STARD13: variants seen among roughly 807,000 people sequenced by gnomAD.
The protein encoded by STARD13 is stAR-related lipid transfer protein 13.
In STARD13, 62 loss-of-function variants were observed where a neutral mutation model predicts 106.4. The ratio of observed to expected loss-of-function variants is 0.58; its 90% CI spans 0.48 to 0.72. The LOEUF (loss-of-function observed/expected upper bound fraction) is 0.72. Among genes scored for constraint, STARD13 ranks in the 30% least tolerant of loss-of-function variants. The pLI, the probability that STARD13 is intolerant of heterozygous loss-of-function variation, is 0.00. For synonymous variants in STARD13, 565 were observed against 553.0 expected, an observed-to-expected ratio of 1.02 and a Z score of -0.31; for missense variants, 1,387 against 1,424.0, an observed-to-expected ratio of 0.97 and a Z score of 0.42.
chr13:33,500,558 T>C, the STARD13 span, among the ~76,000 whole-genome samples: 1 of 152,222 alleles, frequency 6.6e-6, no homozygotes. Flanking sequence ...AGATGTTCAA[T>C]GAAAAATTTT....
intron 3 of STARD13, among the ~76,000 whole-genome samples, chr13:33,153,329 C>T (rs115922814): frequency 2.6e-5 from 4 of 152,242 alleles, no homozygotes; most frequent in East Asian, 3.9e-4. Context: ...GTAAGGCGGT[C>T]GTCAGCAGAA....
chr13:33,253,583 A>T (rs1391445983), intron 1 of STARD13, among the ~76,000 whole-genome samples: 3 of 151,734 alleles, frequency 2.0e-5, no homozygotes, highest in Admixed American at 6.6e-5. Flanking sequence ...GGTGAGGGGG[A>T]CCTCCTTGTG....
At chr13:33,337,704 A>G (rs1044589300) in intron 1 of STARD13, among the ~76,000 whole-genome samples, 1 of 152,214 alleles carries the variant, frequency 6.6e-6, no homozygotes, top group Non-Finnish European at 1.5e-5. Context: ...TCAGTGATTT[A>G]CACATGGCTG....
the STARD13 span, among the ~76,000 whole-genome samples, chr13:33,543,300 A>AG: frequency 3.9e-5 from 6 of 152,178 alleles, no homozygotes; most frequent in Non-Finnish European, 5.9e-5. Context: ...TGTGTATGTT[A>AG]GGAACCCATC....
At chr13:33,403,106 C>T in the STARD13 span, among the ~76,000 whole-genome samples, 1 of 152,212 alleles carries the variant, frequency 6.6e-6, no homozygotes, top group African/African-American at 2.4e-5. Context: ...AGGCACCCAC[C>T]CCTAGACACT....
chr13:33,362,038 A>T, the STARD13 span, among the ~76,000 whole-genome samples: 1 of 152,254 alleles, frequency 6.6e-6, no homozygotes, highest in Non-Finnish European at 1.5e-5. Flanking sequence ...TAAAATAAAA[A>T]TGTCTGATAT....
At chr13:33,196,779 C>A (rs1886653437) in intron 1 of STARD13, among the ~76,000 whole-genome samples, 1 of 152,160 alleles carries the variant, frequency 6.6e-6, no homozygotes, top group African/African-American at 2.4e-5. Context: ...AGCTGAAATT[C>A]CCTTACTCCT....
At chr13:33,304,925 C>G (rs1448748138) in intron 1 of STARD13, among the ~76,000 whole-genome samples, 2 of 152,182 alleles carry the variant, frequency 1.3e-5, no homozygotes, top group African/African-American at 4.8e-5. Context: ...TGAACAAAAT[C>G]CATAATGTTA....
In STARD13 at chr13:33,118,163, G is replaced by A; in HGVS notation, c.2183C>T (p.Ala728Val). Residue 728 changes from alanine (A) to valine (V), a missense_variant, in exon 8 of 14, where the codon GCT (alanine) becomes GTT (valine). Coordinates refer to ENST00000336934, the MANE Select transcript of STARD13 (RefSeq NM_178006.4). ...TTTCACCATATCCGCCACATCATAA[G>A]CAGACTGGTCTTCATAGTTGACGTT... Reference protein sequence around the residue: ...PENVNYEDQSAYDVADMVKQF... With the variant: ...PENVNYEDQSVYDVADMVKQF... 1 of 1,614,214 alleles carries A rather than the reference G, an allele frequency of 6.2e-7. No homozygotes were observed.
chr13:33,407,544 G>A, the STARD13 span, among the ~76,000 whole-genome samples: 1 of 152,112 alleles, frequency 6.6e-6, no homozygotes, highest in Non-Finnish European at 1.5e-5. Context: ...AATCATAATT[G>A]TAAAAAATAC....
chr13:33,236,630 T>C (rs1202207471), intron 1 of STARD13, among the ~76,000 whole-genome samples: 1 of 152,188 alleles, frequency 6.6e-6, no homozygotes, highest in Non-Finnish European at 1.5e-5. Flanking sequence ...GTTAGGAAAG[T>C]GCATCTATGT....
Position 33,311,551 on chromosome 13 carries a change from A to T in STARD13, c.124+38739T>A, listed in dbSNP as rs572280414. On this transcript the variant is annotated intron_variant, in intron 1 of 5. Transcript: ENST00000567873. ...TTTATTTGCAAAATGCAGATAGGAGATGTTTACCTTATACCATGATTTTGA... is the reference window on the plus strand; with the variant it reads ...TTTATTTGCAAAATGCAGATAGGAGTTGTTTACCTTATACCATGATTTTGA... 3.0e-4 allele frequency among the ~76,000 whole-genome samples: 45 copies of T among 152,310 alleles called. 2 individuals carry two copies. The South Asian group carries it at 6.2e-3, about 21-fold the overall frequency.
At chr13:33,593,220 T>C in the STARD13 span, among the ~76,000 whole-genome samples, 7 of 152,198 alleles carry the variant, frequency 4.6e-5, no homozygotes, top group African/African-American at 1.7e-4. Context: ...AGTCTTGCTC[T>C]GTCACCCAGG....
At chr13:33,208,953 GA>G (rs945817354) in intron 1 of STARD13, among the ~76,000 whole-genome samples, 2 of 152,318 alleles carry the variant, frequency 1.3e-5, no homozygotes, top group African/African-American at 4.8e-5. Context: ...GCCACATAGT[GA>G]AATACTTTTG....
At chr13:33,467,013 T>A in the STARD13 span, among the ~76,000 whole-genome samples, 1 of 152,074 alleles carries the variant, frequency 6.6e-6, no homozygotes, top group Non-Finnish European at 1.5e-5. Flanking sequence ...GAAGGCAATT[T>A]TTTCACTGAC....
At position 33,167,389 on chromosome 13, in the gene STARD13, T is replaced by C. The variant is rs558950119; in HGVS notation, c.241+162A>G. On this transcript the variant is annotated intron_variant, in intron 2 of 13. Coordinates refer to ENST00000336934, the MANE Select transcript of STARD13 (RefSeq NM_178006.4). ...GAAGTGATATTCATTTCTAAATTGG[T>C]ATCAGGATAACCCCTGGGCATAGCA... Among the ~76,000 whole-genome samples, 3 of 151,994 alleles carry C rather than the reference T, an allele frequency of 2.0e-5. No homozygotes were observed. The South Asian group carries it at 6.3e-4, about 32-fold the overall frequency.
At chr13:33,460,282 T>C in the STARD13 span, among the ~76,000 whole-genome samples, 1 of 151,630 alleles carries the variant, frequency 6.6e-6, no homozygotes, top group Non-Finnish European at 1.5e-5. Context: ...GGTCAGGAGA[T>C]GGAGACCATC....
chr13:33,550,246 T>A, the STARD13 span, among the ~76,000 whole-genome samples: 1 of 152,174 alleles, frequency 6.6e-6, no homozygotes, highest in Admixed American at 6.5e-5. Context: ...AGAAAAGATA[T>A]CCCTAATTCT....
chr13:33,381,510 T>G, the STARD13 span, among the ~76,000 whole-genome samples: 1 of 152,074 alleles, frequency 6.6e-6, no homozygotes, highest in African/African-American at 2.4e-5. Context: ...GAGGCCGAGG[T>G]GGGCTGACCA....
Sources: gnomAD v4.1 joint callset for allele counts (sites outside exome capture counted in the v4.1 genomes callset) on GRCh38, gnomAD v4.1.1 for gene constraint, MANE v1.5 for transcripts, NCBI Gene and HGNC (gene_info 2026-07-23, HGNC 2026-07-21) for gene names.